Variants in KCNJ6 observed in about 807,000 individuals in gnomAD.
KCNJ6 encodes the protein G protein-activated inward rectifier potassium channel 2.
In KCNJ6, 9 loss-of-function variants were observed where a neutral mutation model predicts 34.2. The observed-to-expected ratio is 0.26, with a 90% CI of 0.16 to 0.46. The LOEUF is 0.46. KCNJ6 is among the 20% of genes least tolerant of loss of function. The pLI, the probability that KCNJ6 is intolerant of heterozygous loss-of-function variation, is 1.00. For synonymous variants in KCNJ6, 196 were observed against 207.1 expected, an observed-to-expected ratio of 0.95 and a Z score of 0.46; for missense variants, 236 against 531.3, an observed-to-expected ratio of 0.44 and a Z score of 5.46.
In KCNJ6 at chr21:37,619,918, ACT is replaced by A. The variant is rs2054285044; in HGVS notation, c.*5239_*5240del. ...ACCGCTAGATCCTGGCTGGCTGTTG[ACT>A]CTATTTGCCACTCTGGAGGAATGGC... On this transcript the variant is annotated 3_prime_UTR_variant, in exon 4 of 4. Coordinates refer to ENST00000609713, the MANE Select transcript of KCNJ6 (RefSeq NM_002240.5). 1.3e-5 allele frequency: 2 copies of A among 151,790 alleles called. No homozygotes were observed. Among genetic ancestry groups the A allele is most frequent in the South Asian group, 2.1e-4 (1 of 4,802 alleles). 9.4% of individuals were successfully genotyped at this position (151,790 alleles called of 1,614,324 possible).
chr21:37,793,414 C>A (rs575372972), intron 2 of KCNJ6, among the ~76,000 whole-genome samples: 1 of 152,088 alleles, frequency 6.6e-6, no homozygotes, highest in Admixed American at 6.5e-5. Context: ...GCAGACACAA[C>A]GGAATTAAAA....
In KCNJ6 at chr21:37,842,854, C is replaced by A. The variant is rs116035884; in HGVS notation, c.-27-2145G>T. Among the ~76,000 whole-genome samples the A allele has an allele frequency of 7.0e-3, 1,062 of 152,328 alleles. 13 individuals are homozygous for A. The highest frequency in any genetic ancestry group is 0.024 in the African/African-American group (1,000 of 41,560). ...GGACTCAGTGAAGTTGGTCCCAGAG[C>A]TTGTTCTGTCTCTGCGTGTCCTGTC... On this transcript the variant is annotated intron_variant, in intron 1 of 3. Transcript: ENST00000609713.
At chr21:37,818,207 C>CGTGT (rs1281572811) in intron 2 of KCNJ6, among the ~76,000 whole-genome samples, 11,567 of 80,802 alleles carry the variant, frequency 0.14, 479 homozygotes, top group African/African-American at 0.19. Flanking sequence ...TGTGTGTGTG[C>CGTGT]GTGCGTGTGT....
At chr21:37,909,612 C>A (rs1432684423) in intron 1 of KCNJ6, among the ~76,000 whole-genome samples, 2 of 152,158 alleles carry the variant, frequency 1.3e-5, no homozygotes, top group Non-Finnish European at 2.9e-5. Context: ...TCAAGGGATC[C>A]ACCTGACTCG....
At chr21:37,637,129 G>T (rs1007205044) in intron 3 of KCNJ6, among the ~76,000 whole-genome samples, 3 of 152,224 alleles carry the variant, frequency 2.0e-5, no homozygotes, top group Non-Finnish European at 4.4e-5. Context: ...AGAAGTCAGT[G>T]CTGGGTCGCT....
chr21:37,751,792 T>A (rs1476452719), intron 2 of KCNJ6, among the ~76,000 whole-genome samples: 4 of 152,184 alleles, frequency 2.6e-5, no homozygotes, highest in African/African-American at 9.7e-5. Flanking sequence ...TAGTGTAAGC[T>A]CCTTCACCCT....
chr21:37,876,036 G>T (rs2055676261), intron 1 of KCNJ6, among the ~76,000 whole-genome samples: 2 of 152,190 alleles, frequency 1.3e-5, no homozygotes, highest in South Asian at 4.1e-4. Context: ...TATAATTTGT[G>T]GGGCCTAGTG....
intron 2 of KCNJ6, among the ~76,000 whole-genome samples, chr21:37,779,959 C>T (rs944246686): frequency 6.6e-6 from 1 of 152,128 alleles, no homozygotes; most frequent in African/African-American, 2.4e-5. Context: ...CATCTCATTG[C>T]ACAGAAGTGG....
intron 2 of KCNJ6, among the ~76,000 whole-genome samples, chr21:37,840,301 C>T (rs141959735): frequency 3.3e-5 from 5 of 152,288 alleles, no homozygotes; most frequent in Admixed American, 6.5e-5. Flanking sequence ...TCATCCAGCC[C>T]GTGGAATAGA....
At chr21:37,844,389 G>T (rs374362444) in intron 1 of KCNJ6, among the ~76,000 whole-genome samples, 3 of 151,958 alleles carry the variant, frequency 2.0e-5, no homozygotes, top group Non-Finnish European at 4.4e-5. Context: ...GTCTTCCCTC[G>T]CTGCACTCTA....
chr21:37,668,014 T>A (rs2054524785), intron 3 of KCNJ6, among the ~76,000 whole-genome samples: 1 of 152,138 alleles, frequency 6.6e-6, no homozygotes, highest in Non-Finnish European at 1.5e-5. Flanking sequence ...TGTCATTGGA[T>A]GCAGTGGACA....
intron 2 of KCNJ6, among the ~76,000 whole-genome samples, chr21:37,737,649 G>C (rs1222748129): frequency 1.3e-5 from 2 of 152,154 alleles, no homozygotes; most frequent in Non-Finnish European, 1.5e-5. Flanking sequence ...TTAGGGTGAG[G>C]CCTGAGTGGT....
At chr21:37,761,145 T>C (rs1200451912) in intron 2 of KCNJ6, among the ~76,000 whole-genome samples, 1 of 151,526 alleles carries the variant, frequency 6.6e-6, no homozygotes, top group Non-Finnish European at 1.5e-5. Flanking sequence ...ACGTGTGGTA[T>C]GTGTGGTGTG....
At chr21:37,808,884 G>A (rs1408998855) in intron 2 of KCNJ6, among the ~76,000 whole-genome samples, 2 of 152,210 alleles carry the variant, frequency 1.3e-5, no homozygotes, top group African/African-American at 2.4e-5. Context: ...AGGTGCTAGA[G>A]AGGATGTGGA....
intron 3 of KCNJ6, among the ~76,000 whole-genome samples, chr21:37,664,802 T>C (rs2054506325): frequency 6.8e-6 from 1 of 146,448 alleles, no homozygotes; most frequent in Non-Finnish European, 1.5e-5. Context: ...CTTTTTTTTT[T>C]TTTTTTTTTT....
rs17814872 is a variant in KCNJ6, at chr21:37,622,732, A to G, written c.*2427T>C. ...TCAAGGCTCTTCGTTCAGTTGTGCT[A>G]AAGGGCAGGCAAGCAGGGATGAGGC... On this transcript the variant is annotated 3_prime_UTR_variant, in exon 4 of 4. Coordinates refer to ENST00000609713, the MANE Select transcript of KCNJ6 (RefSeq NM_002240.5). 0.048 allele frequency: 7,308 copies of G among 152,312 alleles called. 280 individuals are homozygous for G. Among genetic ancestry groups the G allele is most frequent in the South Asian group, 0.19 (929 of 4,826 alleles). The allele number at this position is 152,312 out of a possible 1,614,324, so 9.4% of individuals were successfully genotyped here.
intron 3 of KCNJ6, among the ~76,000 whole-genome samples, chr21:37,661,614 G>GTTTTTTTTTTTT (rs59026391): frequency 0.051 from 3,595 of 70,912 alleles, 900 homozygotes; most frequent in Non-Finnish European, 0.071. Context: ...AAGAGACATA[G>GTTTTTTTTTTTT]TTTTTTTTTT....
chr21:37,784,430 G>A (rs368945723), intron 2 of KCNJ6, among the ~76,000 whole-genome samples: 1 of 152,238 alleles, frequency 6.6e-6, no homozygotes, highest in Non-Finnish European at 1.5e-5. Context: ...ACAAAGCCAT[G>A]AGCAGTGGGT....
chr21:37,749,546 A>G (rs1351006883), intron 2 of KCNJ6, among the ~76,000 whole-genome samples: 1 of 152,200 alleles, frequency 6.6e-6, no homozygotes, highest in African/African-American at 2.4e-5. Flanking sequence ...CCATGGAGAC[A>G]AAGTGCCTAT....
Sources: allele counts gnomAD v4.1 joint callset (sites outside exome capture counted in the v4.1 genomes callset), GRCh38; gene constraint gnomAD v4.1.1; transcripts MANE v1.5; gene names NCBI Gene and HGNC (gene_info 2026-07-23, HGNC 2026-07-21).